PHLDB2: variants seen among roughly 807,000 people sequenced by gnomAD.
The protein encoded by PHLDB2 is pleckstrin homology-like domain family B member 2.
PHLDB2 carries 71 observed loss-of-function variants against 123.6 expected under a neutral mutation model. The observed-to-expected ratio is 0.57, with a 90% CI of 0.47 to 0.70. The LOEUF is 0.70. Among genes scored for constraint, PHLDB2 ranks in the 30% least tolerant of loss-of-function variants. The pLI, the probability that PHLDB2 is intolerant of heterozygous loss-of-function variation, is 0.00. For missense variants in PHLDB2, 1,446 were observed against 1,519.5 expected, an observed-to-expected ratio of 0.95 and a Z score of 0.80; for synonymous variants, 547 against 541.6, an observed-to-expected ratio of 1.01 and a Z score of -0.14.
chr3:111,832,424 C>A (rs1319552551), intron 1 of PHLDB2, among the ~76,000 whole-genome samples: 7 of 151,248 alleles, frequency 4.6e-5, no homozygotes, highest in Non-Finnish European at 1.0e-4. Flanking sequence ...ACCAATTAAT[C>A]AAAGTAAATC....
At chr3:111,881,388 A>T (rs1039348703) in intron 1 of PHLDB2, among the ~76,000 whole-genome samples, 2 of 152,162 alleles carry the variant, frequency 1.3e-5, no homozygotes, top group East Asian at 3.9e-4. Context: ...GTATTACATC[A>T]AATGTTTTAA....
At chr3:111,941,798 C>T (rs1242130092) in intron 8 of PHLDB2, among the ~76,000 whole-genome samples, 1 of 117,246 alleles carries the variant, frequency 8.5e-6, no homozygotes, top group Non-Finnish European at 2.0e-5. Context: ...CAGAGTGAGA[C>T]CCTGTCTCAA....
intron 3 of PHLDB2, among the ~76,000 whole-genome samples, chr3:111,918,085 G>A (rs985003572): frequency 6.6e-6 from 1 of 152,042 alleles, no homozygotes; most frequent in African/African-American, 2.4e-5. Flanking sequence ...AGAAAAATTG[G>A]TCTCTACCAG....
chr3:111,775,684 T>C (rs773879365), intron 1 of PHLDB2, among the ~76,000 whole-genome samples: 1 of 152,158 alleles, frequency 6.6e-6, no homozygotes, highest in East Asian at 1.9e-4. Context: ...GGAAATGTAA[T>C]TATAAAACTA....
chr3:111,964,484 T>C (rs2071618245), intron 13 of PHLDB2, among the ~76,000 whole-genome samples: 1 of 150,970 alleles, frequency 6.6e-6, no homozygotes, highest in Non-Finnish European at 1.5e-5. Flanking sequence ...AGATTACAGG[T>C]ACCCACCACT....
At chr3:111,736,535 C>T (rs1359305312) in intron 1 of PHLDB2, among the ~76,000 whole-genome samples, 1 of 152,156 alleles carries the variant, frequency 6.6e-6, no homozygotes, top group Non-Finnish European at 1.5e-5. Context: ...TCTTGGGACT[C>T]CAAATTTTTT....
chr3:111,870,556 A>T (rs2065287463), intron 1 of PHLDB2, among the ~76,000 whole-genome samples: 1 of 152,024 alleles, frequency 6.6e-6, no homozygotes, highest in Admixed American at 6.6e-5. Context: ...TGATGTTGGG[A>T]TTAGTGGAAA....
chr3:111,823,937 G>C (rs944772508), intron 1 of PHLDB2, among the ~76,000 whole-genome samples: 1 of 152,048 alleles, frequency 6.6e-6, no homozygotes, highest in Middle Eastern at 3.2e-3. Flanking sequence ...GTCTCTTTAG[G>C]TAACTTAGTT....
At chr3:111,750,674 G>A (rs1010073625) in intron 1 of PHLDB2, among the ~76,000 whole-genome samples, 41 of 152,196 alleles carry the variant, frequency 2.7e-4, no homozygotes, top group East Asian at 1.9e-4. Context: ...GGCCGGATGC[G>A]ATGGCTCACA....
chr3:111,779,154 C>T (rs1292907698), intron 1 of PHLDB2, among the ~76,000 whole-genome samples: 3 of 152,034 alleles, frequency 2.0e-5, no homozygotes, highest in Non-Finnish European at 4.4e-5. Flanking sequence ...CCAGGGACCA[C>T]CTTTAAGAAG....
At chr3:111,903,185 AG>A (rs1287761763) in intron 2 of PHLDB2, among the ~76,000 whole-genome samples, 1 of 152,180 alleles carries the variant, frequency 6.6e-6, no homozygotes, top group Non-Finnish European at 1.5e-5. Flanking sequence ...GCCTTCAGTA[AG>A]GGGGGGACAC....
chr3:111,868,948 G>A (rs2065214638), intron 1 of PHLDB2, among the ~76,000 whole-genome samples: 1 of 152,130 alleles, frequency 6.6e-6, no homozygotes, highest in Non-Finnish European at 1.5e-5. Flanking sequence ...CAAGGGACTA[G>A]CACAAAACTT....
chr3:111,780,638 A>G (rs1000404676), intron 1 of PHLDB2, among the ~76,000 whole-genome samples: 4 of 152,046 alleles, frequency 2.6e-5, no homozygotes, highest in Non-Finnish European at 5.9e-5. Flanking sequence ...TCTCAGAACC[A>G]TATGAGTTTT....
chr3:111,939,302 C>G (rs2069715381), intron 6 of PHLDB2, among the ~76,000 whole-genome samples, 173 bp from the exon 7 acceptor site: 2 of 152,188 alleles, frequency 1.3e-5, no homozygotes, highest in Non-Finnish European at 2.9e-5. Context: ...TCGATTCCCT[C>G]TAACAGTCAC....
chr3:111,789,104 T>C (rs1028424118), intron 1 of PHLDB2, among the ~76,000 whole-genome samples: 3 of 152,208 alleles, frequency 2.0e-5, no homozygotes, highest in African/African-American at 7.2e-5. Context: ...TTCCCAATCG[T>C]CACTGCAGGT....
At chr3:111,923,740 C>T (rs1301253105) in intron 5 of PHLDB2, among the ~76,000 whole-genome samples, 7 of 152,152 alleles carry the variant, frequency 4.6e-5, no homozygotes, top group African/African-American at 7.2e-5. Flanking sequence ...ACACGTCTTT[C>T]CTTATCATCC....
intron 1 of PHLDB2, among the ~76,000 whole-genome samples, chr3:111,775,749 G>A (rs6790722): frequency 0.058 from 8,898 of 152,122 alleles, 293 homozygotes; most frequent in Middle Eastern, 0.075. Flanking sequence ...TTAGATATGC[G>A]TTCCCCTAGT....
intron 1 of PHLDB2, among the ~76,000 whole-genome samples, chr3:111,861,432 T>C (rs1448628906): frequency 6.6e-6 from 1 of 152,140 alleles, no homozygotes; most frequent in African/African-American, 2.4e-5. Context: ...CAAGGAAGAG[T>C]TGAGTTTGTC....
At chr3:111,814,530 A>T (rs1196745778) in intron 1 of PHLDB2, among the ~76,000 whole-genome samples, 1 of 151,508 alleles carries the variant, frequency 6.6e-6, no homozygotes, top group Non-Finnish European at 1.5e-5. Context: ...TGGAAAACAG[A>T]TTTTCTTATT....
Sources: gnomAD v4.1 joint callset for allele counts (sites outside exome capture counted in the v4.1 genomes callset) on GRCh38, gnomAD v4.1.1 for gene constraint, MANE v1.5 for transcripts, NCBI Gene and HGNC (gene_info 2026-07-23, HGNC 2026-07-21) for gene names.